SUMF1: variants seen among roughly 807,000 people sequenced by gnomAD.
The protein encoded by SUMF1 is formylglycine-generating enzyme.
SUMF1 carries 48 observed loss-of-function variants against 47.6 expected under a neutral mutation model. The observed-to-expected ratio is 1.01, with a 90% CI of 0.80 to 1.28. The LOEUF (loss-of-function observed/expected upper bound fraction) is 1.28, where lower values mean the gene tolerates loss of function less well. Among genes scored for constraint, SUMF1 ranks in the 50% most tolerant of loss-of-function variants. The probability of loss-of-function intolerance (pLI) is 0.00; values close to 1 mark genes in which losing one functional copy is unlikely to be tolerated. For missense variants in SUMF1, 571 were observed against 485.4 expected, an observed-to-expected ratio of 1.18 and a Z score of -1.66; for synonymous variants, 230 against 192.1, an observed-to-expected ratio of 1.20 and a Z score of -1.63.
chr3:4,316,606 G>A (rs1168451506), intron 8 of SUMF1: 8 of 1,551,092 alleles, frequency 5.2e-6, no homozygotes, highest in Admixed American at 3.9e-5. Flanking sequence ...AAAAATCGTC[G>A]TTTTGAAGTG....
chr3:4,355,128 T>A (rs1688409), intron 8 of SUMF1, among the ~76,000 whole-genome samples: 40,452 of 152,084 alleles, frequency 0.27, 6,162 homozygotes, highest in African/African-American at 0.4. Flanking sequence ...GGCAAGTGGA[T>A]TGCTTGAGCC....
chr3:4,184,683 C>A (rs2125136706), intron 8 of SUMF1, among the ~76,000 whole-genome samples: 1 of 144,564 alleles, frequency 6.9e-6, no homozygotes, highest in East Asian at 2.0e-4. Flanking sequence ...CAGTCTTGCT[C>A]TGCTGCCCAG....
intron 8 of SUMF1, among the ~76,000 whole-genome samples, chr3:4,113,406 G>C (rs1030281913): frequency 6.6e-6 from 1 of 151,962 alleles, no homozygotes; most frequent in Non-Finnish European, 1.5e-5. Context: ...GCTTGCACCT[G>C]TAGTCCCAGC....
intron 8 of SUMF1, among the ~76,000 whole-genome samples, chr3:4,347,162 A>T (rs181311051): frequency 1.3e-5 from 2 of 152,158 alleles, no homozygotes; most frequent in African/African-American, 4.8e-5. Context: ...AAAAGAAGGA[A>T]CTCTTCCCTA....
chr3:4,395,901 T>C (rs147006848), intron 7 of SUMF1, among the ~76,000 whole-genome samples: 3 of 152,366 alleles, frequency 2.0e-5, no homozygotes, highest in East Asian at 1.9e-4. Flanking sequence ...TAGCAGCTAA[T>C]ATTTACCAAG....
chr3:4,221,422 T>A (rs1300767717), intron 8 of SUMF1, among the ~76,000 whole-genome samples: 1 of 99,990 alleles, frequency 1.0e-5, no homozygotes, highest in Non-Finnish European at 1.9e-5. Context: ...GGGGTGTGTG[T>A]GTGTGTGTGT....
At chr3:4,155,793 C>G (rs1241007028) in intron 8 of SUMF1, among the ~76,000 whole-genome samples, 1 of 151,284 alleles carries the variant, frequency 6.6e-6, no homozygotes, top group Non-Finnish European at 1.5e-5. Flanking sequence ...TGTAACATCA[C>G]ACCATTTCCA....
intron 9 of SUMF1, among the ~76,000 whole-genome samples, chr3:4,064,681 CAGG>C (rs1411373043): frequency 1.3e-5 from 2 of 152,082 alleles, no homozygotes; most frequent in African/African-American, 2.4e-5. Context: ...AGCCTGATAA[CAGG>C]AGAATGGCAT....
intron 8 of SUMF1, among the ~76,000 whole-genome samples, chr3:4,343,363 G>T (rs954773484): frequency 1.3e-5 from 2 of 152,240 alleles, no homozygotes; most frequent in Non-Finnish European, 2.9e-5. Context: ...ATTACACACA[G>T]TTAAGAGGTC....
intron 8 of SUMF1, among the ~76,000 whole-genome samples, chr3:4,212,506 C>A (rs1184543751): frequency 6.6e-6 from 1 of 152,132 alleles, no homozygotes; most frequent in Non-Finnish European, 1.5e-5. Flanking sequence ...TGCCTCTTCT[C>A]CAAAGGATCA....
intron 8 of SUMF1, among the ~76,000 whole-genome samples, chr3:4,226,887 C>T (rs1696186777): frequency 6.6e-6 from 1 of 152,072 alleles, no homozygotes; most frequent in East Asian, 1.9e-4. Flanking sequence ...TTCTCCCGTC[C>T]CCTACTCCAG....
chr3:4,094,281 G>A (rs1692852317), intron 8 of SUMF1, among the ~76,000 whole-genome samples: 2 of 151,986 alleles, frequency 1.3e-5, no homozygotes, highest in African/African-American at 4.8e-5. Flanking sequence ...GTATTTATTG[G>A]TATTTCTCCT....
chr3:4,055,758 C>G (rs1254485114), intron 9 of SUMF1, among the ~76,000 whole-genome samples: 2 of 152,130 alleles, frequency 1.3e-5, no homozygotes, highest in Non-Finnish European at 2.9e-5. Flanking sequence ...TGTAAGCCAT[C>G]ACACTTGGCC....
intron 8 of SUMF1, among the ~76,000 whole-genome samples, chr3:4,279,693 C>A (rs778508346): frequency 6.6e-6 from 1 of 152,024 alleles, no homozygotes; most frequent in South Asian, 2.1e-4. Flanking sequence ...TATACTCTGA[C>A]AAGAGACTCA....
chr3:4,200,114 A>G (rs1285159630), intron 8 of SUMF1, among the ~76,000 whole-genome samples: 8 of 150,218 alleles, frequency 5.3e-5, no homozygotes, highest in Non-Finnish European at 1.2e-4. Context: ...GAGCTCTTAC[A>G]TTTAGATCTA....
At chr3:4,372,003 T>C (rs962820349) in intron 8 of SUMF1, among the ~76,000 whole-genome samples, 1 of 152,180 alleles carries the variant, frequency 6.6e-6, no homozygotes, top group Non-Finnish European at 1.5e-5. Flanking sequence ...TGAATGATCA[T>C]CAGAATTTAC....
intron 9 of SUMF1, among the ~76,000 whole-genome samples, chr3:4,036,728 T>C (rs1694804396): frequency 6.6e-6 from 1 of 151,914 alleles, no homozygotes; most frequent in Non-Finnish European, 1.5e-5. Flanking sequence ...GTGCTGAATG[T>C]TCTGTCTCTA....
At chr3:4,174,583 T>C (rs1345873718) in intron 8 of SUMF1, among the ~76,000 whole-genome samples, 1 of 151,916 alleles carries the variant, frequency 6.6e-6, no homozygotes, top group African/African-American at 2.4e-5. Context: ...GATGGCCGAA[T>C]AGGAACAGCT....
chr3:4,407,588 T>C (rs749559906), intron 7 of SUMF1, among the ~76,000 whole-genome samples: 42 of 152,182 alleles, frequency 2.8e-4, no homozygotes, highest in South Asian at 6.2e-4. Flanking sequence ...AATAATTATA[T>C]ACAGGTTCTT....
Sources: allele counts gnomAD v4.1 joint callset (sites outside exome capture counted in the v4.1 genomes callset), GRCh38; gene constraint gnomAD v4.1.1; transcripts MANE v1.5; gene names NCBI Gene and HGNC (gene_info 2026-07-23, HGNC 2026-07-21).